PELI2: variants seen among roughly 807,000 people sequenced by gnomAD.
PELI2 encodes pellino E3 ubiquitin protein ligase family member 2, also known as E3 ubiquitin-protein ligase pellino homolog 2.
Under a neutral mutation model 42.3 loss-of-function variants are expected in PELI2, and 23 were observed. That is an observed-to-expected ratio of 0.54 (90% CI 0.39 to 0.77). The LOEUF is 0.77. PELI2 is among the 30% of genes least tolerant of loss of function. PELI2 has a pLI of 0.00. For missense variants in PELI2, 463 were observed against 553.2 expected, an observed-to-expected ratio of 0.84 and a Z score of 1.64; for synonymous variants, 245 against 212.2, an observed-to-expected ratio of 1.15 and a Z score of -1.34.
At chr14:56,143,155 G>C (rs1014455799) in intron 1 of PELI2, among the ~76,000 whole-genome samples, 1 of 152,060 alleles carries the variant, frequency 6.6e-6, no homozygotes, top group Non-Finnish European at 1.5e-5. Context: ...TCATGACCAT[G>C]ACTCTTTTGT....
intron 2 of PELI2, among the ~76,000 whole-genome samples, chr14:56,240,784 A>G (rs979588020): frequency 6.6e-6 from 1 of 152,186 alleles, no homozygotes; most frequent in Non-Finnish European, 1.5e-5. Context: ...CCCAAGGCAG[A>G]GTAGCTGTGG....
At chr14:56,230,965 C>G (rs932485914) in intron 2 of PELI2, among the ~76,000 whole-genome samples, 1 of 152,118 alleles carries the variant, frequency 6.6e-6, no homozygotes, top group Non-Finnish European at 1.5e-5. Context: ...ATCCTAGTCT[C>G]TGATAAAACA....
chr14:56,172,211 C>T (rs1240851678), intron 1 of PELI2, among the ~76,000 whole-genome samples: 1 of 152,120 alleles, frequency 6.6e-6, no homozygotes, highest in Non-Finnish European at 1.5e-5. Flanking sequence ...GCTGAGGTTA[C>T]CTGGTGGTCA....
intron 1 of PELI2, among the ~76,000 whole-genome samples, chr14:56,154,662 A>G (rs1172298584): frequency 6.6e-6 from 1 of 152,228 alleles, no homozygotes; most frequent in Non-Finnish European, 1.5e-5. Flanking sequence ...ATGGACTAAT[A>G]CAGACATTCA....
intron 2 of PELI2, among the ~76,000 whole-genome samples, chr14:56,220,563 C>T (rs1179606184): frequency 1.3e-5 from 2 of 152,092 alleles, no homozygotes; most frequent in Non-Finnish European, 2.9e-5. Flanking sequence ...TGTGATTGTG[C>T]CAAAAAATCA....
At chr14:56,141,316 TGCGCCC>T (rs1883898244) in intron 1 of PELI2, among the ~76,000 whole-genome samples, 1 of 152,208 alleles carries the variant, frequency 6.6e-6, no homozygotes, top group Non-Finnish European at 1.5e-5. Context: ...ATGTTGTATG[TGCGCCC>T]CTGTGCCCTC....
intron 2 of PELI2, among the ~76,000 whole-genome samples, chr14:56,245,205 C>T (rs1380774954): frequency 6.6e-6 from 1 of 152,142 alleles, no homozygotes; most frequent in African/African-American, 2.4e-5. Flanking sequence ...TATCTGTACT[C>T]CTTAGTAGAA....
chr14:56,145,965 C>T (rs1354110613), intron 1 of PELI2, among the ~76,000 whole-genome samples: 3 of 152,124 alleles, frequency 2.0e-5, no homozygotes, highest in African/African-American at 4.8e-5. Context: ...AAACCAAAGC[C>T]AGTTTGTAAT....
chr14:56,212,842 C>T (rs780918405), intron 2 of PELI2, among the ~76,000 whole-genome samples: 1 of 152,210 alleles, frequency 6.6e-6, no homozygotes, highest in Non-Finnish European at 1.5e-5. Context: ...TGAGCACACA[C>T]CTGCCCCACA....
intron 3 of PELI2, among the ~76,000 whole-genome samples, chr14:56,287,400 TAG>T (rs1449259880): frequency 1.3e-5 from 2 of 152,244 alleles, no homozygotes; most frequent in Admixed American, 6.5e-5. Context: ...TCTGAATCAG[TAG>T]AGTTTCCAAG....
chr14:56,154,643 G>A (rs572257426), intron 1 of PELI2, among the ~76,000 whole-genome samples: 2 of 152,200 alleles, frequency 1.3e-5, no homozygotes, highest in South Asian at 2.1e-4. Context: ...TCTTTATAGC[G>A]GTTTGAAAAT....
chr14:56,179,045 C>T (rs1555345334), intron 2 of PELI2, among the ~76,000 whole-genome samples: 1 of 151,812 alleles, frequency 6.6e-6, no homozygotes, highest in South Asian at 2.1e-4. Flanking sequence ...ATTTTTTTCT[C>T]ATAATTTTGA....
chr14:56,257,146 T>G (rs1201282146), intron 2 of PELI2, among the ~76,000 whole-genome samples: 1 of 152,172 alleles, frequency 6.6e-6, no homozygotes, highest in African/African-American at 2.4e-5. Context: ...ATAAGTATAT[T>G]TTCTACTAAG....
At chr14:56,150,013 T>C (rs1159326032) in intron 1 of PELI2, among the ~76,000 whole-genome samples, 1 of 152,228 alleles carries the variant, frequency 6.6e-6, no homozygotes, top group Non-Finnish European at 1.5e-5. Flanking sequence ...TAGACATCTA[T>C]GTTATAGACA....
At position 56,153,772 on chromosome 14, in the gene PELI2, C is replaced by T. The variant is rs1054694064; in HGVS notation, c.78-24563C>T. 2.6e-5 allele frequency among the ~76,000 whole-genome samples: 4 copies of T among 152,260 alleles called. No individual in the cohort carries two copies. The East Asian group carries it at 7.7e-4, about 29-fold the overall frequency. ...TGTATATTTAAAATGGAGGTCATCACCATGCATCCTGAAAAACCGAGTTCT... is the reference window on the plus strand; with the variant it reads ...TGTATATTTAAAATGGAGGTCATCATCATGCATCCTGAAAAACCGAGTTCT... On this transcript the variant is annotated intron_variant, in intron 1 of 5. Transcript: ENST00000267460.
intron 2 of PELI2, among the ~76,000 whole-genome samples, chr14:56,227,657 G>C (rs988091153): frequency 6.6e-6 from 1 of 152,218 alleles, no homozygotes; most frequent in African/African-American, 2.4e-5. Context: ...CCTGGGAGCA[G>C]CAGCACTCCA....
At chr14:56,144,119 T>C (rs1409102597) in intron 1 of PELI2, among the ~76,000 whole-genome samples, 1 of 152,238 alleles carries the variant, frequency 6.6e-6, no homozygotes, top group Non-Finnish European at 1.5e-5. Flanking sequence ...CTAAGAATCA[T>C]TCTAGCCTTC....
chr14:56,213,920 C>T (rs528435426), intron 2 of PELI2, among the ~76,000 whole-genome samples: 8 of 151,870 alleles, frequency 5.3e-5, no homozygotes, highest in African/African-American at 1.4e-4. Context: ...GGCGTGATCT[C>T]GGCTCGCTGC....
At chr14:56,168,831 G>GTA (rs1885063925) in intron 1 of PELI2, among the ~76,000 whole-genome samples, 1 of 152,166 alleles carries the variant, frequency 6.6e-6, no homozygotes, top group African/African-American at 2.4e-5. Context: ...GGCCCTTGAT[G>GTA]TAGTACCTGG....
Sources: allele counts gnomAD v4.1 joint callset (sites outside exome capture counted in the v4.1 genomes callset), GRCh38; gene constraint gnomAD v4.1.1; transcripts MANE v1.5; gene names NCBI Gene and HGNC (gene_info 2026-07-23, HGNC 2026-07-21).